RAB37: variants seen among roughly 807,000 people sequenced by gnomAD.
RAB37 encodes the protein RAB37, member RAS oncogene family.
RAB37 carries 29 observed loss-of-function variants against 33.1 expected under a neutral mutation model. The observed-to-expected ratio is 0.88, with a 90% CI of 0.65 to 1.20. The LOEUF is 1.20. RAB37 is among the 50% of genes most tolerant of loss of function. The pLI is 0.00. For missense variants in RAB37, 299 were observed against 301.1 expected (o/e 0.99, Z 0.05); for synonymous variants, 128 against 119.5 (o/e 1.07, Z -0.47).
chr17:74,702,823 A>G (rs2033177110), intron 1 of RAB37, among the ~76,000 whole-genome samples: 1 of 152,228 alleles, frequency 6.6e-6, no homozygotes, highest in African/African-American at 2.4e-5. Flanking sequence ...TGAACCTACA[A>G]ACAGCACTGA....
At chr17:74,735,817 T>C (rs1296662392), upstream of RAB37, among the ~76,000 whole-genome samples, 1 of 152,108 alleles carries the variant, frequency 6.6e-6, no homozygotes, top group African/African-American at 2.4e-5. Flanking sequence ...TGTCAGAAAA[T>C]ACAGGGCTGG....
Position 74,744,229 on chromosome 17 carries a change from G to C in RAB37, c.367-79G>C. 1 of 1,356,848 alleles carries C rather than the reference G, an allele frequency of 7.4e-7. No homozygotes were observed. The highest frequency in any genetic ancestry group is 1.2e-5 in the South Asian group (1 of 80,154). The allele number at this position is 1,356,848 out of a possible 1,614,324, so 84.1% of individuals were successfully genotyped here. On this transcript the variant is annotated intron_variant, in intron 5 of 8. Transcript: ENST00000392613. This position sits in a 1 kb window ranked among gnomAD's most constrained non-coding sequence, Gnocchi z 4.2. Reference sequence around the variant, plus strand: ...ATCGTGTTCAAGGTAGTGAGTAACTGAGGATAGTCAAACGGAGCAGAAGAA... The same window carrying C: ...ATCGTGTTCAAGGTAGTGAGTAACTCAGGATAGTCAAACGGAGCAGAAGAA...
intron 1 of RAB37, among the ~76,000 whole-genome samples, chr17:74,719,061 A>G (rs574462939): frequency 1.4e-4 from 22 of 152,338 alleles, no homozygotes; most frequent in African/African-American, 4.8e-4. Flanking sequence ...GAACCTAGAA[A>G]TTCTCTAAAA....
Position 74,744,435 on chromosome 17 carries a change from T to A in RAB37, c.432+62T>A. 1 of 1,508,620 alleles carries A rather than the reference T, an allele frequency of 6.6e-7. No individual in the cohort carries two copies. Among genetic ancestry groups the A allele is most frequent in the Non-Finnish European group, 9.2e-7 (1 of 1,084,270 alleles). 93.5% of individuals were successfully genotyped at this position (1,508,620 alleles called of 1,614,324 possible). On this transcript the variant is annotated intron_variant, in intron 6 of 8. Coordinates refer to ENST00000392613, the MANE Select transcript of RAB37 (RefSeq NM_001006638.3). The surrounding 1 kb of genome is among the most constrained non-coding windows in gnomAD (Gnocchi z 4.2). ...ACTTCCTCAGCCCTAGCCGGCCCCA[T>A]AACCACCCAAGAACAGTTATCTAGG...
chr17:74,680,170 G>A (rs2031924653), intron 1 of RAB37, among the ~76,000 whole-genome samples: 1 of 151,964 alleles, frequency 6.6e-6, no homozygotes, highest in African/African-American at 2.4e-5. Flanking sequence ...TTTTACAGAT[G>A]AGTAAACTGA....
chr17:74,728,553 C>A (rs2034337354), intron 1 of RAB37, among the ~76,000 whole-genome samples: 1 of 150,678 alleles, frequency 6.6e-6, no homozygotes, highest in African/African-American at 2.4e-5. Context: ...TGTGTGTGTG[C>A]CTATGTTTCT....
chr17:74,675,350 G>A (rs944630035), intron 1 of RAB37, among the ~76,000 whole-genome samples: 6 of 151,668 alleles, frequency 4.0e-5, no homozygotes, highest in Admixed American at 2.0e-4. Flanking sequence ...CAGGAGAATC[G>A]CTTTAACCTG....
rs368389878 is a variant in RAB37 at position 74,745,333 on chromosome 17, G to C, written c.594G>C (p.Gln198His). ...AKELKYRAGH[Q>H]ADEPSFQIRD... is the part of the protein sequence containing the mutation. Reference sequence around the variant, plus strand: ...AACTGAAATACCGGGCCGGGCATCAGGCGGATGAGCCCAGCTTCCAGATCC... The same window carrying C: ...AACTGAAATACCGGGCCGGGCATCACGCGGATGAGCCCAGCTTCCAGATCC... The change falls in exon 9 of 9, where the codon CAG becomes CAC. Residue 198 changes from glutamine (Q) to histidine (H), a missense_variant. Physicochemically the swap from Gln to His is conservative, Grantham distance 24 (BLOSUM62 0). Coordinates refer to ENST00000392613, the MANE Select transcript of RAB37 (RefSeq NM_001006638.3). This position sits in a 1 kb window ranked among gnomAD's most constrained non-coding sequence, Gnocchi z 4.5. 3.7e-5 allele frequency: 59 copies of C among 1,613,996 alleles called. No individual in the cohort carries two copies. The African/African-American group carries it at 7.5e-4, about 20-fold the overall frequency.
chr17:74,710,402 TAG>T (rs2143911594), intron 1 of RAB37, among the ~76,000 whole-genome samples: 1 of 152,360 alleles, frequency 6.6e-6, no homozygotes, highest in African/African-American at 2.4e-5. Context: ...TTGAATTTAA[TAG>T]AGTGGCTAAA....
At position 74,745,366 on chromosome 17, in the gene RAB37, T is replaced by C. The variant is rs762874289; in HGVS notation, c.627T>C (p.Tyr209=). ...AGCCCAGCTTCCAGATCCGAGACTA[T>C]GTAGAGTCCCAGAAGAAGCGCTCCA... ...ADEPSFQIRD[Y]VESQKKRSSC... Residue 209 remains tyrosine (Y), a synonymous_variant, in exon 9 of 9, where the codon TAT becomes TAC. Coordinates refer to ENST00000392613, the MANE Select transcript of RAB37 (RefSeq NM_001006638.3). This position sits in a 1 kb window ranked among gnomAD's most constrained non-coding sequence, Gnocchi z 4.5. 5.6e-6 allele frequency: 9 copies of C among 1,613,982 alleles called. No homozygotes were observed. The Admixed American group carries it at 6.7e-5, about 12-fold the overall frequency.
intron 1 of RAB37, among the ~76,000 whole-genome samples, chr17:74,722,156 G>C (rs1196578307): frequency 1.3e-5 from 2 of 151,982 alleles, no homozygotes; most frequent in East Asian, 3.9e-4. Flanking sequence ...GGTGGCGGGC[G>C]CCTGTAGTCC....
At chr17:74,693,119 C>A (rs929624725) in intron 1 of RAB37, among the ~76,000 whole-genome samples, 4 of 152,154 alleles carry the variant, frequency 2.6e-5, no homozygotes, top group African/African-American at 9.7e-5. Flanking sequence ...GGGCCACTGC[C>A]CCCTAAGTGG....
chr17:74,706,857 C>T (rs563269048), intron 1 of RAB37, among the ~76,000 whole-genome samples: 4 of 152,260 alleles, frequency 2.6e-5, no homozygotes, highest in South Asian at 2.1e-4. Context: ...GGGAAAGAAG[C>T]GGGCCCTGTG....
At chr17:74,672,801 T>C (rs2031734990) in intron 1 of RAB37, 1 of 152,242 alleles carries the variant, frequency 6.6e-6, no homozygotes, top group Admixed American at 6.5e-5. Flanking sequence ...CTAGATTGGC[T>C]GAATCTGAAT....
intron 1 of RAB37, chr17:74,695,133 T>C: frequency 6.2e-7 from 1 of 1,614,156 alleles, no homozygotes. Flanking sequence ...CGTGGGCTCC[T>C]CAGGGCCCCT....
chr17:74,729,478 G>A lies in RAB37; in HGVS notation c.183+112G>A, dbSNP rs2034357951. ...CACTCGCATTGGATCATTCAAGGAGGATTAAGGAGAAGACTGTTCCCCAAG... is the reference window on the plus strand; with the variant it reads ...CACTCGCATTGGATCATTCAAGGAGAATTAAGGAGAAGACTGTTCCCCAAG... On this transcript the variant is annotated intron_variant, in intron 2 of 7. Transcript: ENST00000340415. The surrounding 1 kb of genome is among the most constrained non-coding windows in gnomAD (Gnocchi z 4.2). 1.3e-6 allele frequency: 1 copy of A among 798,222 alleles called. No homozygotes were observed. The highest frequency in any genetic ancestry group is 2.2e-6 in the Non-Finnish European group (1 of 449,200). 49.4% of individuals were successfully genotyped at this position (798,222 alleles called of 1,614,324 possible).
At chr17:74,685,500 C>T (rs920057919) in intron 1 of RAB37, among the ~76,000 whole-genome samples, 3 of 152,118 alleles carry the variant, frequency 2.0e-5, no homozygotes, top group Non-Finnish European at 4.4e-5. Context: ...AGTTTGGTTA[C>T]TTTGAAATCA....
chr17:74,691,214 T>A (rs1010232497), intron 1 of RAB37, among the ~76,000 whole-genome samples: 1 of 152,220 alleles, frequency 6.6e-6, no homozygotes, highest in Admixed American at 6.5e-5. Flanking sequence ...TTGCCCAGGC[T>A]GCTCTCGAAC....
chr17:74,722,890 G>A (rs1444624499), intron 1 of RAB37, among the ~76,000 whole-genome samples: 1 of 152,168 alleles, frequency 6.6e-6, no homozygotes. Flanking sequence ...GTCACTCAGA[G>A]CCACTTTAGG....
Sources: gnomAD v4.1 joint callset for allele counts (sites outside exome capture counted in the v4.1 genomes callset) on GRCh38, gnomAD v4.1.1 for gene constraint, Gnocchi (gnomAD v3.1) non-coding constraint, MANE v1.5 for transcripts, NCBI Gene and HGNC (gene_info 2026-07-23, HGNC 2026-07-21) for gene names.